CNTNAP2: variants seen among roughly 807,000 people sequenced by gnomAD.
CNTNAP2 encodes the protein contactin associated protein 2, also known as contactin-associated protein-like 2.
CNTNAP2 carries 98 observed loss-of-function variants against 155.2 expected under a neutral mutation model. That is an observed-to-expected ratio of 0.63 (90% CI 0.54 to 0.75). CNTNAP2 has a LOEUF of 0.75. CNTNAP2 is among the 30% of genes least tolerant of loss of function. The pLI, the probability that CNTNAP2 is intolerant of heterozygous loss-of-function variation, is 0.00. For missense variants in CNTNAP2, 1,727 were observed against 1,688.1 expected, an observed-to-expected ratio of 1.02 and a Z score of -0.40; for synonymous variants, 651 against 631.2, an observed-to-expected ratio of 1.03 and a Z score of -0.47.
chr7:148,131,600 A>G (rs1804833160), intron 16 of CNTNAP2, among the ~76,000 whole-genome samples: 2 of 152,352 alleles, frequency 1.3e-5, no homozygotes, highest in South Asian at 4.1e-4. Context: ...ATATGCTATT[A>G]TTGCTGGATA....
At chr7:148,395,692 G>C (rs1263380821) in intron 22 of CNTNAP2, among the ~76,000 whole-genome samples, 1 of 152,106 alleles carries the variant, frequency 6.6e-6, no homozygotes, top group African/African-American at 2.4e-5. Context: ...ACACCTCACA[G>C]GCCATCCTCT....
intron 3 of CNTNAP2, among the ~76,000 whole-genome samples, chr7:147,029,050 G>A (rs1363016810): frequency 7.2e-6 from 1 of 138,176 alleles, no homozygotes; most frequent in African/African-American, 2.8e-5. Flanking sequence ...TGCAAGCTCC[G>A]CCTCTCGGGT....
intron 10 of CNTNAP2, among the ~76,000 whole-genome samples, chr7:147,471,394 T>C (rs1798213558): frequency 6.6e-6 from 1 of 152,230 alleles, no homozygotes; most frequent in East Asian, 1.9e-4. Context: ...TGAATCCTGT[T>C]TGGGGGATGA....
chr7:147,754,682 C>T (rs1030127840), intron 13 of CNTNAP2, among the ~76,000 whole-genome samples: 3 of 151,632 alleles, frequency 2.0e-5, no homozygotes, highest in African/African-American at 7.3e-5. Context: ...AGAAATAATG[C>T]ATTGTATTAC....
chr7:146,404,104 G>A (rs1333736369), intron 1 of CNTNAP2, among the ~76,000 whole-genome samples: 3 of 118,090 alleles, frequency 2.5e-5, no homozygotes, highest in South Asian at 2.5e-4. Flanking sequence ...CAGCCTGGGC[G>A]ACAGAGCGAG....
chr7:147,806,524 T>C (rs1396833529), intron 13 of CNTNAP2, among the ~76,000 whole-genome samples: 1 of 152,180 alleles, frequency 6.6e-6, no homozygotes, highest in Non-Finnish European at 1.5e-5. Flanking sequence ...TGAAAATCAG[T>C]ATTTCAAAAA....
At chr7:147,142,425 C>T (rs1584752307) in intron 8 of CNTNAP2, among the ~76,000 whole-genome samples, 1 of 152,128 alleles carries the variant, frequency 6.6e-6, no homozygotes, top group Non-Finnish European at 1.5e-5. Context: ...GGATGAAGCC[C>T]ACTTGATCAT....
chr7:147,554,412 T>C (rs1200399162), intron 11 of CNTNAP2, among the ~76,000 whole-genome samples: 1 of 151,900 alleles, frequency 6.6e-6, no homozygotes. Flanking sequence ...GAAGCCAATT[T>C]ATAGAGGGAT....
intron 9 of CNTNAP2, among the ~76,000 whole-genome samples, chr7:147,303,574 T>C (rs1458294256): frequency 6.6e-6 from 1 of 152,188 alleles, no homozygotes; most frequent in Non-Finnish European, 1.5e-5. Context: ...AATACTAGTA[T>C]AGTGGAAAGG....
At chr7:147,314,629 T>C (rs56339242) in intron 9 of CNTNAP2, among the ~76,000 whole-genome samples, 75,837 of 135,816 alleles carry the variant, frequency 0.56, 21,215 homozygotes, top group East Asian at 0.74. Context: ...AGCTACATGC[T>C]TCAAAAAGTC....
chr7:146,683,142 T>C (rs1475207840), intron 1 of CNTNAP2, among the ~76,000 whole-genome samples: 1 of 152,168 alleles, frequency 6.6e-6, no homozygotes, highest in Non-Finnish European at 1.5e-5. Flanking sequence ...CAAATGATTC[T>C]CTTGCCTCAG....
In CNTNAP2 at chr7:148,166,334, G is replaced by A. The variant is rs529255300; in HGVS notation, c.2774-5908G>A. Among the ~76,000 whole-genome samples, 57 of 152,258 alleles carry A rather than the reference G, an allele frequency of 3.7e-4. 3 individuals are homozygous for A. In the South Asian group the frequency reaches 0.011, roughly 29 times the overall value. On this transcript the variant is annotated intron_variant, in intron 17 of 23. Coordinates refer to ENST00000361727, the MANE Select transcript of CNTNAP2 (RefSeq NM_014141.6). ...AAACAAGGCCTGGCTCATAGTAGGC[G>A]TGAAATAAATATTTTTTGAATGAAT...
At chr7:146,595,474 A>G (rs1394377455) in intron 1 of CNTNAP2, among the ~76,000 whole-genome samples, 1 of 152,108 alleles carries the variant, frequency 6.6e-6, no homozygotes, top group African/African-American at 2.4e-5. Flanking sequence ...TGAAGAACTT[A>G]AAGCTTATAC....
chr7:146,791,944 C>T lies in CNTNAP2; in HGVS notation c.208+17563C>T, dbSNP rs565783984. Among the ~76,000 whole-genome samples the T allele has an allele frequency of 4.1e-4, 63 of 152,040 alleles. No individual in the cohort carries two copies. In the Middle Eastern group the frequency reaches 0.01, roughly 25 times the overall value. On this transcript the variant is annotated intron_variant, in intron 2 of 23. Coordinates refer to ENST00000361727, the MANE Select transcript of CNTNAP2 (RefSeq NM_014141.6). ...TGGGAATCCCCCCTACTATTTTTTT[C>T]TTTGTTTGGATGGCTTAGTTGGAAT...
chr7:146,257,870 C>T (rs755538679), intron 1 of CNTNAP2, among the ~76,000 whole-genome samples: 28 of 150,704 alleles, frequency 1.9e-4, no homozygotes, highest in Non-Finnish European at 2.9e-4. Context: ...GCAATTGAGC[C>T]GCTTTGATTA....
At chr7:146,913,306 CTTCA>C (rs1363233268) in intron 3 of CNTNAP2, among the ~76,000 whole-genome samples, 4 of 152,118 alleles carry the variant, frequency 2.6e-5, no homozygotes, top group African/African-American at 7.2e-5. Context: ...TTGGTGCCTT[CTTCA>C]TTCAGAGAAG....
intron 12 of CNTNAP2, among the ~76,000 whole-genome samples, chr7:147,584,729 G>A (rs560430189): frequency 6.6e-6 from 1 of 152,172 alleles, no homozygotes; most frequent in Admixed American, 6.5e-5. Context: ...AGAGCTTCTT[G>A]CCTCTTCCTC....
At chr7:147,824,535 A>T (rs1047923627) in intron 13 of CNTNAP2, among the ~76,000 whole-genome samples, 1 of 152,142 alleles carries the variant, frequency 6.6e-6, no homozygotes, top group South Asian at 2.1e-4. Context: ...TAAATCTCAC[A>T]TCAGAAGGAA....
At chr7:146,928,738 C>A (rs187209172) in intron 3 of CNTNAP2, among the ~76,000 whole-genome samples, 2 of 152,196 alleles carry the variant, frequency 1.3e-5, no homozygotes, top group Admixed American at 6.5e-5. Flanking sequence ...CACCCTAATA[C>A]TGTGCTTTTC....
Sources: gnomAD v4.1 joint callset for allele counts (sites outside exome capture counted in the v4.1 genomes callset) on GRCh38, gnomAD v4.1.1 for gene constraint, MANE v1.5 for transcripts, NCBI Gene and HGNC (gene_info 2026-07-23, HGNC 2026-07-21) for gene names.